The following GRM7 variants were observed in gnomAD, a reference collection of about 807,000 sequenced individuals.
GRM7 encodes the protein metabotropic glutamate receptor 7.
Under a neutral mutation model 84.5 loss-of-function variants are expected in GRM7, and 35 were observed. The observed-to-expected ratio is 0.41, with a 90% confidence interval of 0.32 to 0.55. GRM7 has a LOEUF of 0.55. Ranked by LOEUF, GRM7 falls within the 20% of genes least tolerant of loss-of-function variation. GRM7 has a pLI of 0.19. For synonymous variants in GRM7, 487 were observed against 455.1 expected, an observed-to-expected ratio of 1.07 and a Z score of -0.89; for missense variants, 1,003 against 1,194.6, an observed-to-expected ratio of 0.84 and a Z score of 2.36.
At chr3:6,999,184 G>T (rs556524955) in intron 1 of GRM7, among the ~76,000 whole-genome samples, 3 of 152,234 alleles carry the variant, frequency 2.0e-5, no homozygotes, top group African/African-American at 7.2e-5. Flanking sequence ...AATCTCTAGG[G>T]CAGGGGGAAA....
chr3:7,120,708 A>G (rs999391971), intron 1 of GRM7, among the ~76,000 whole-genome samples: 1 of 152,186 alleles, frequency 6.6e-6, no homozygotes, highest in African/African-American at 2.4e-5. Flanking sequence ...AACAATCACA[A>G]ATGCTTAAAT....
chr3:7,723,965 A>AT (rs1702037304), intron 9 of GRM7, among the ~76,000 whole-genome samples: 1 of 152,156 alleles, frequency 6.6e-6, no homozygotes, highest in East Asian at 1.9e-4. Context: ...TCCATCCACC[A>AT]TCTCCTACCT....
At chr3:7,679,934 C>T in intron 8 of GRM7, 115 bp from the exon 9 acceptor site, 1 of 882,528 alleles carries the variant, frequency 1.1e-6, no homozygotes, top group Non-Finnish European at 1.8e-6. Context: ...TATCAAAATG[C>T]CCTGAAGATT....
At chr3:7,534,659 A>G (rs1701173013) in intron 7 of GRM7, among the ~76,000 whole-genome samples, 2 of 152,090 alleles carry the variant, frequency 1.3e-5, no homozygotes, top group Non-Finnish European at 2.9e-5. Flanking sequence ...TATTCCATTT[A>G]TTCAGGAGCT....
chr3:6,862,249 C>T lies in GRM7; in HGVS notation c.519+342C>T, dbSNP rs902146800. Among the ~76,000 whole-genome samples the T allele has an allele frequency of 3.3e-5, 5 of 152,010 alleles. No individual in the cohort carries two copies. The highest frequency in any genetic ancestry group is 7.4e-5 in the Non-Finnish European group (5 of 68,012). On this transcript the variant is annotated intron_variant, in intron 1 of 9. Coordinates refer to ENST00000357716, the MANE Select transcript of GRM7 (RefSeq NM_000844.4). The surrounding 1 kb of genome is among the most constrained non-coding windows in gnomAD (Gnocchi z 5.2). ...AAAACAGGCTCGTAAAAGTGCCAGG[C>T]TCCTAGGAGAGCTGGTTAGGAGAAT...
At chr3:7,656,834 A>T (rs1699225173) in intron 8 of GRM7, among the ~76,000 whole-genome samples, 1 of 152,224 alleles carries the variant, frequency 6.6e-6, no homozygotes, top group African/African-American at 2.4e-5. Context: ...GCCTTTAAAT[A>T]TCAGGATATT....
chr3:6,904,163 G>GT (rs762197953), intron 1 of GRM7, among the ~76,000 whole-genome samples: 8 of 151,348 alleles, frequency 5.3e-5, no homozygotes, highest in Admixed American at 2.0e-4. Flanking sequence ...GCTTTTATTT[G>GT]TTTTTTTAAA....
chr3:7,187,563 A>G (rs899288718), intron 2 of GRM7, among the ~76,000 whole-genome samples: 11 of 152,240 alleles, frequency 7.2e-5, no homozygotes, highest in African/African-American at 2.7e-4. Context: ...ACAGTGTTAC[A>G]GGTCTGATGG....
chr3:7,336,467 C>T (rs764175526), intron 4 of GRM7, among the ~76,000 whole-genome samples: 4 of 151,860 alleles, frequency 2.6e-5, no homozygotes, highest in Non-Finnish European at 4.4e-5. Flanking sequence ...AAACCATTTC[C>T]CCTGAGAACT....
At chr3:6,907,353 A>G (rs1398685140) in intron 1 of GRM7, among the ~76,000 whole-genome samples, 1 of 152,228 alleles carries the variant, frequency 6.6e-6, no homozygotes, top group African/African-American at 2.4e-5. Flanking sequence ...TGAGATGAAA[A>G]TGGTTTGAAA....
At chr3:7,059,004 C>A (rs1271083771) in intron 1 of GRM7, among the ~76,000 whole-genome samples, 6 of 151,764 alleles carry the variant, frequency 4.0e-5, no homozygotes. Context: ...ACTGTGGGAG[C>A]TAAGAACATA....
At chr3:7,294,669 A>G (rs1699754262) in intron 2 of GRM7, among the ~76,000 whole-genome samples, 1 of 152,182 alleles carries the variant, frequency 6.6e-6, no homozygotes. Flanking sequence ...AATATGCCTC[A>G]AAATCTGACC....
chr3:7,394,289 T>G (rs1017199307), intron 4 of GRM7, among the ~76,000 whole-genome samples: 2 of 152,244 alleles, frequency 1.3e-5, no homozygotes. Flanking sequence ...AATGGTAGAT[T>G]CACACAGCAT....
At chr3:7,397,194 C>A (rs1559292947) in intron 4 of GRM7, among the ~76,000 whole-genome samples, 1 of 152,114 alleles carries the variant, frequency 6.6e-6, no homozygotes, top group Non-Finnish European at 1.5e-5. Context: ...AAACTTATCA[C>A]CCAGGGAAGT....
chr3:7,284,104 A>G (rs921428962), intron 2 of GRM7, among the ~76,000 whole-genome samples: 2 of 152,220 alleles, frequency 1.3e-5, no homozygotes, highest in Admixed American at 6.5e-5. Context: ...TTAAATTGTG[A>G]TAGAAAAATA....
At chr3:7,282,908 T>A (rs2124998666) in intron 2 of GRM7, among the ~76,000 whole-genome samples, 1 of 152,338 alleles carries the variant, frequency 6.6e-6, no homozygotes, top group Non-Finnish European at 1.5e-5. Context: ...ATCCTTTCCA[T>A]TCTATCCAAG....
intron 2 of GRM7, among the ~76,000 whole-genome samples, chr3:7,260,052 T>G (rs1349241477): frequency 6.6e-6 from 1 of 151,552 alleles, no homozygotes; most frequent in East Asian, 2.0e-4. Context: ...TCAGTGATAT[T>G]GAGCCTTCTT....
At chr3:7,297,711 A>T (rs571860103) in intron 2 of GRM7, among the ~76,000 whole-genome samples, 14 of 152,336 alleles carry the variant, frequency 9.2e-5, no homozygotes, top group African/African-American at 3.4e-4. Flanking sequence ...GATTACAAAT[A>T]TCTCCTAAAC....
intron 4 of GRM7, among the ~76,000 whole-genome samples, chr3:7,409,547 G>C (rs1350489069): frequency 1.3e-5 from 2 of 151,824 alleles, no homozygotes; most frequent in African/African-American, 4.8e-5. Context: ...TTTATATCCT[G>C]CTGCTTTCCC....
Sources: allele counts gnomAD v4.1 joint callset (sites outside exome capture counted in the v4.1 genomes callset), GRCh38; gene constraint gnomAD v4.1.1; non-coding constraint Gnocchi (gnomAD v3.1); transcripts MANE v1.5; gene names NCBI Gene and HGNC (gene_info 2026-07-23, HGNC 2026-07-21).